Variants in ETV5 observed in about 807,000 individuals in gnomAD.
The protein encoded by ETV5 is ETS translocation variant 5.
Under a neutral mutation model 70.0 loss-of-function variants are expected in ETV5, and 10 were observed. The observed-to-expected ratio is 0.14, with a 90% CI of 0.09 to 0.24. The LOEUF (loss-of-function observed/expected upper bound fraction) is 0.24, where lower values mean the gene tolerates loss of function less well. Ranked by LOEUF, ETV5 falls within the 10% of genes least tolerant of loss-of-function variation. The pLI is 1.00. For synonymous variants in ETV5, 216 were observed against 242.2 expected, an observed-to-expected ratio of 0.89 and a Z score of 1.01; for missense variants, 453 against 651.2, an observed-to-expected ratio of 0.70 and a Z score of 3.31.
At chr3:186,093,897 G>T (rs1714244796) in intron 5 of ETV5, among the ~76,000 whole-genome samples, 1 of 152,216 alleles carries the variant, frequency 6.6e-6, no homozygotes, top group African/African-American at 2.4e-5. Context: ...GCTGAAAGCT[G>T]CTCCCACTCT....
intron 7 of ETV5, among the ~76,000 whole-genome samples, chr3:186,076,863 T>G (rs1182128525): frequency 2.0e-5 from 3 of 152,198 alleles, no homozygotes. Flanking sequence ...ATTTTGTAGT[T>G]GAAGAGATAG....
intron 5 of ETV5, chr3:186,084,138 T>C (rs1203176587): frequency 2.3e-6 from 1 of 427,938 alleles, no homozygotes; most frequent in Non-Finnish European, 4.6e-6. Context: ...GTTGTGTAAT[T>C]ATACCCTGTG....
In ETV5 at chr3:186,054,859, G is replaced by A. The variant is rs1473971132; in HGVS notation, c.1209+2216C>T. Among the ~76,000 whole-genome samples, 1 of 152,204 alleles carries A rather than the reference G, an allele frequency of 6.6e-6. No homozygotes were observed. Among genetic ancestry groups the A allele is most frequent in the African/African-American group, 2.4e-5 (1 of 41,440 alleles). ...CCTGTCCTGAGGCTAACGTGCACAT[G>A]TGGCACCCAACTGATCCTGGGTGAA... On this transcript the variant is annotated intron_variant, in intron 11 of 12. Coordinates refer to ENST00000306376, the MANE Select transcript of ETV5 (RefSeq NM_004454.3). The surrounding 1 kb of genome is among the most constrained non-coding windows in gnomAD (Gnocchi z 4.4).
intron 7 of ETV5, among the ~76,000 whole-genome samples, chr3:186,073,679 C>T (rs544229191): frequency 8.1e-4 from 124 of 152,282 alleles, no homozygotes; most frequent in Non-Finnish European, 1.7e-3. Context: ...ATAGAAAATA[C>T]TTGGAGCTGA....
At chr3:186,064,158 C>A in intron 9 of ETV5, 1 of 491,024 alleles carries the variant, frequency 2.0e-6, no homozygotes, top group Non-Finnish European at 3.6e-6. Context: ...GCAGCCCTCA[C>A]AGGGCTTAGG....
intron 6 of ETV5, chr3:186,080,602 T>C (rs1473365623): frequency 4.3e-6 from 1 of 231,978 alleles, no homozygotes; most frequent in Non-Finnish European, 8.5e-6. Context: ...TGATTTAAAA[T>C]TAAAGCTTCA....
At chr3:186,087,900 C>T (rs1271820531) in intron 5 of ETV5, among the ~76,000 whole-genome samples, 2 of 151,502 alleles carry the variant, frequency 1.3e-5, no homozygotes, top group African/African-American at 2.4e-5. Context: ...TTTGGTGTTT[C>T]ATAATCATCA....
intron 7 of ETV5, among the ~76,000 whole-genome samples, chr3:186,071,394 G>A (rs148472475): frequency 3.9e-5 from 6 of 152,310 alleles, no homozygotes; most frequent in African/African-American, 1.4e-4. Flanking sequence ...CTGGGTAAGA[G>A]GCTGTGGCTG....
chr3:186,048,310 C>T lies in ETV5; in HGVS notation c.*329G>A, dbSNP rs1251711197. The T allele has an allele frequency of 2.6e-5, 10 of 383,346 alleles. No homozygotes were observed. Among genetic ancestry groups the T allele is most frequent in the African/African-American group, 1.0e-4 (5 of 50,054 alleles). The allele number at this position is 383,346 out of a possible 1,614,324, so 23.7% of individuals were successfully genotyped here. ...ATGCAGATTGTCACATACTATGTCC[C>T]GTTTTGCGGGTACTAACCTGAACAA... On this transcript the variant is annotated 3_prime_UTR_variant, in exon 13 of 13. Transcript: ENST00000306376.
intron 9 of ETV5, among the ~76,000 whole-genome samples, chr3:186,062,617 C>T (rs1031143886): frequency 3.9e-4 from 60 of 152,126 alleles, no homozygotes; most frequent in Non-Finnish European, 1.3e-4. Flanking sequence ...AAGACTCCGT[C>T]TCAAAAAGAC....
chr3:186,097,355 AT>A (rs1235778583), intron 5 of ETV5, among the ~76,000 whole-genome samples: 2 of 152,182 alleles, frequency 1.3e-5, no homozygotes, highest in African/African-American at 4.8e-5. Context: ...CTGTGTTAAA[AT>A]TGTAAGCCTA....
At chr3:186,072,371 C>CAA (rs11418453) in intron 7 of ETV5, among the ~76,000 whole-genome samples, 11,217 of 136,364 alleles carry the variant, frequency 0.082, 1,192 homozygotes, top group East Asian at 0.55. Context: ...GACTCTATCT[C>CAA]AAAAAAAAAA....
chr3:186,084,281 CTAAA>C (rs1714001798), intron 5 of ETV5: 1 of 169,730 alleles, frequency 5.9e-6, no homozygotes, highest in African/African-American at 5.6e-5. Context: ...AAAAGAAATG[CTAAA>C]AAAAAAAAAA....
intron 7 of ETV5, among the ~76,000 whole-genome samples, chr3:186,076,899 AAC>A (rs1176780387): frequency 2.0e-5 from 3 of 152,242 alleles, no homozygotes; most frequent in African/African-American, 7.2e-5. Flanking sequence ...ATAATAAAAA[AAC>A]AGATAATGTT....
intron 7 of ETV5, among the ~76,000 whole-genome samples, chr3:186,072,949 T>C (rs1713679474): frequency 6.6e-6 from 1 of 152,074 alleles, no homozygotes. Context: ...CTGGCCAACA[T>C]GGTAATATCC....
intron 8 of ETV5, among the ~76,000 whole-genome samples, chr3:186,064,819 C>G (rs926951299): frequency 6.6e-6 from 1 of 152,202 alleles, no homozygotes; most frequent in Admixed American, 6.5e-5. Context: ...CCAAGCCTGG[C>G]CTCTTGCCCA....
chr3:186,049,377 A>G (rs1406055449), intron 12 of ETV5, among the ~76,000 whole-genome samples: 1 of 152,206 alleles, frequency 6.6e-6, no homozygotes, highest in Non-Finnish European at 1.5e-5. Context: ...TAAATGACTC[A>G]CCGCATGGCT....
At chr3:186,060,713 T>C (rs1242824467) in intron 9 of ETV5, among the ~76,000 whole-genome samples, 1 of 152,172 alleles carries the variant, frequency 6.6e-6, no homozygotes, top group African/African-American at 2.4e-5. Flanking sequence ...ACTTCTTTGA[T>C]GTGTGTGAAG....
chr3:186,098,867 C>G (rs1464648915), intron 5 of ETV5, among the ~76,000 whole-genome samples: 1 of 152,194 alleles, frequency 6.6e-6, no homozygotes, highest in Non-Finnish European at 1.5e-5. Flanking sequence ...TGCCTGCCCT[C>G]ATGTCCCCTC....
Sources: gnomAD v4.1 joint callset for allele counts (sites outside exome capture counted in the v4.1 genomes callset) on GRCh38, gnomAD v4.1.1 for gene constraint, Gnocchi (gnomAD v3.1) non-coding constraint, MANE v1.5 for transcripts, NCBI Gene and HGNC (gene_info 2026-07-23, HGNC 2026-07-21) for gene names.